Variants in EP400 observed in about 807,000 individuals in gnomAD.
EP400 encodes E1A-binding protein p400.
Under a neutral mutation model 354.1 loss-of-function variants are expected in EP400, and 105 were observed. The observed-to-expected ratio is 0.30, with a 90% CI of 0.25 to 0.35. The LOEUF (loss-of-function observed/expected upper bound fraction) is 0.35. Ranked by LOEUF, EP400 falls within the 10% of genes least tolerant of loss-of-function variation. EP400 has a pLI of 1.00. For missense variants in EP400, 3,280 were observed against 4,121.0 expected (o/e 0.80, Z 5.59); for synonymous variants, 1,646 against 1,716.9 (o/e 0.96, Z 1.02).
Position 131,996,295 on chromosome 12 carries a change from C to CTTTTTTTTTTTT in EP400, c.2827+1344_2827+1355dup, listed in dbSNP as rs575217796. 2.3e-4 allele frequency among the ~76,000 whole-genome samples: 29 copies of CTTTTTTTTTTTT among 128,228 alleles called. No individual in the cohort carries two copies. The South Asian group carries it at 2.3e-3, about 10-fold the overall frequency. The allele number at this position is 128,228 out of a possible 152,430, so 84.1% of individuals were successfully genotyped here. ...AAGCTCCACATCTCAGGAAGGAACT[C>CTTTTTTTTTTTT]TTTTTTTTTTTTTTTTGAGATGGAG... is the stretch of plus-strand genomic sequence containing the variant. On this transcript the variant is annotated intron_variant, in intron 12 of 52. Coordinates refer to ENST00000389561, the MANE Select transcript of EP400 (RefSeq NM_015409.5).
chr12:132,067,249 A>G lies in EP400; in HGVS notation c.8750-113A>G. 1 of 1,453,124 alleles carries G rather than the reference A, an allele frequency of 6.9e-7. No individual in the cohort carries two copies. The highest frequency in any genetic ancestry group is 9.3e-7 in the Non-Finnish European group (1 of 1,076,216). 90.0% of individuals were successfully genotyped at this position (1,453,124 alleles called of 1,614,324 possible). A position where few individuals can be genotyped will look rare whatever the true frequency, so the allele number is the denominator to read the frequency against. On this transcript the variant is annotated intron_variant, in intron 49 of 52. Coordinates refer to ENST00000389561, the MANE Select transcript of EP400 (RefSeq NM_015409.5). This position sits in a 1 kb window ranked among gnomAD's most constrained non-coding sequence, Gnocchi z 5.3. ...TAAGGGATGGCTTACTTGTCTCCAT[A>G]GAGTTTCATAGTTTGTTATTTTCTG... is the stretch of plus-strand genomic sequence containing the variant.
At chr12:131,991,262 C>T (rs1031998005) in intron 9 of EP400, 145 bp from the exon 10 acceptor site, 5 of 743,756 alleles carry the variant, frequency 6.7e-6, no homozygotes, top group Admixed American at 6.3e-5. Context: ...CACTGCCCTG[C>T]GTGATGATGA....
chr12:132,054,276 C>T lies in EP400; in HGVS notation c.7728+679C>T, dbSNP rs550412364. Among the ~76,000 whole-genome samples the T allele has an allele frequency of 1.2e-4, 18 of 152,330 alleles. No homozygotes were observed. The highest frequency in any genetic ancestry group is 2.4e-4 in the Non-Finnish European group (16 of 68,030). ...ATAAAAATATTTTTGTTACATAGAA[C>T]CATTTCCTGCAGTAGTTTTTAGAAA... is the stretch of plus-strand genomic sequence containing the variant. On this transcript the variant is annotated intron_variant, in intron 43 of 52. Transcript: ENST00000389561. This position sits in a 1 kb window ranked among gnomAD's most constrained non-coding sequence, Gnocchi z 4.0.
In EP400 at chr12:131,990,520, G is replaced by C. The variant is rs888665097; in HGVS notation, c.2551-116G>C. 1.3e-6 allele frequency: 1 copy of C among 758,280 alleles called. No individual in the cohort carries two copies. Among genetic ancestry groups the C allele is most frequent in the Non-Finnish European group, 2.2e-6 (1 of 464,466 alleles). 47.0% of individuals were successfully genotyped at this position (758,280 alleles called of 1,614,324 possible). On this transcript the variant is annotated intron_variant, in intron 8 of 52. Transcript: ENST00000389561. The surrounding 1 kb of genome is among the most constrained non-coding windows in gnomAD (Gnocchi z 4.2). The stretch of plus-strand genomic sequence containing the variant: ...ATAAATGAAAAAGCACCAAACTGAC[G>C]AGGCTGGAAAACACTGTTTTCAGAC...
intron 10 of EP400, 90 bp from the exon 11 acceptor site, chr12:131,992,083 C>T (rs1893058825): frequency 6.9e-7 from 1 of 1,458,068 alleles, no homozygotes. Flanking sequence ...CCCGGGGCTC[C>T]CCCAACCTGT....
In EP400 at chr12:132,045,675, C is replaced by T. The variant is rs367601332; in HGVS notation, c.7027-52C>T. ...AGGGAGTCTTTGGCAAGAGGGAAGA[C>T]CTTCTGACTTAGAGTGTATTCACCT... On this transcript the variant is annotated intron_variant, in intron 38 of 52. Coordinates refer to ENST00000389561, the MANE Select transcript of EP400 (RefSeq NM_015409.5). The T allele has an allele frequency of 1.2e-5, 19 of 1,607,276 alleles. No homozygotes were observed. The African/African-American group carries it at 2.5e-4, about 21-fold the overall frequency.
At chr12:132,004,534 C>T (rs1476426849) in intron 12 of EP400, among the ~76,000 whole-genome samples, 1 of 151,766 alleles carries the variant, frequency 6.6e-6, no homozygotes, top group Non-Finnish European at 1.5e-5. Flanking sequence ...TCAGTTATTT[C>T]CTATCAATGG....
At chr12:132,001,626 G>C (rs1027204820) in intron 12 of EP400, among the ~76,000 whole-genome samples, 1 of 152,062 alleles carries the variant, frequency 6.6e-6, no homozygotes, top group South Asian at 2.1e-4. Context: ...TCCCTTTCCC[G>C]GTCCGCTAAG....
In EP400 at chr12:132,043,418, G is replaced by A. The variant is rs778343931; in HGVS notation, c.6322G>A (p.Glu2108Lys). 2 of 1,613,548 alleles carry A rather than the reference G, an allele frequency of 1.2e-6. No homozygotes were observed. Among genetic ancestry groups the A allele is most frequent in the African/African-American group, 2.7e-5 (2 of 75,048 alleles). ...SSDSENMPCD[E>K]EPSQLEELAD... ...AGACTCTGAGAACATGCCGTGTGAT[G>A]AAGAACCATCCCAATTAGAGGAGCT... The change falls in exon 33 of 53, where the codon GAA becomes AAA. Residue 2108 changes from glutamate (E) to lysine (K), a missense_variant. Physicochemically the swap from Glu to Lys is moderately conservative, Grantham distance 56. Transcript: ENST00000389561.
chr12:132,076,553 C>T lies in EP400; in HGVS notation c.9059C>T (p.Pro3020Leu). ...KLPQVVQQQT[P>L]VASIQQVASA... is the part of the protein sequence containing the mutation. ...CCTCAAGTTGTTCAACAGCAAACACCCGTGGCCAGCATCCAGCAAGTTGCC... is the reference window on the plus strand; with the variant it reads ...CCTCAAGTTGTTCAACAGCAAACACTCGTGGCCAGCATCCAGCAAGTTGCC... Residue 3020 changes from proline to leucine, a missense_variant, in exon 52 of 53, where the codon CCC (proline) becomes CTC (leucine). Coordinates refer to ENST00000389561, the MANE Select transcript of EP400 (RefSeq NM_015409.5). The T allele has an allele frequency of 6.2e-7, 1 of 1,613,732 alleles. No homozygotes were observed. The highest frequency in any genetic ancestry group is 8.5e-7 in the Non-Finnish European group (1 of 1,179,686).
At position 132,062,523 on chromosome 12, in the gene EP400, G is replaced by GGCA. The variant is rs68030464; in HGVS notation, c.8175_8177dup (p.Gln2748dup). 0.069 allele frequency: 103,199 copies of GGCA among 1,497,672 alleles called. 6,609 individuals carry two copies. The highest frequency in any genetic ancestry group is 0.42 in the African/African-American group (27,946 of 65,828). 92.8% of individuals were successfully genotyped at this position (1,497,672 alleles called of 1,614,324 possible). On this transcript the variant is annotated inframe_insertion, in exon 47 of 53. Transcript: ENST00000389561. ...ACACCTGCACATTTCCAGCTTCTCA[G>GGCA]GCAGCAGCAGCAGCAGCAGCAACAA... is the stretch of plus-strand genomic sequence containing the variant.
chr12:132,017,014 T>C lies in EP400; in HGVS notation c.3924-521T>C, dbSNP rs1052208864. ...CACACCAGAGAGCTACTCCCCACCATGGTCCCATTTCCTGCCCAGCCCTGG... is the reference window on the plus strand; with the variant it reads ...CACACCAGAGAGCTACTCCCCACCACGGTCCCATTTCCTGCCCAGCCCTGG... On this transcript the variant is annotated intron_variant, in intron 19 of 52. Coordinates refer to ENST00000389561, the MANE Select transcript of EP400 (RefSeq NM_015409.5). The surrounding 1 kb of genome is among the most constrained non-coding windows in gnomAD (Gnocchi z 5.0). Among the ~76,000 whole-genome samples, 2 of 152,196 alleles carry C rather than the reference T, an allele frequency of 1.3e-5. No individual in the cohort carries two copies. The highest frequency in any genetic ancestry group is 2.4e-5 in the African/African-American group (1 of 41,452).
At chr12:131,950,671 C>T (rs984841504) in intron 1 of EP400, among the ~76,000 whole-genome samples, 7 of 152,216 alleles carry the variant, frequency 4.6e-5, no homozygotes, top group Non-Finnish European at 1.0e-4. Flanking sequence ...CCGGGGGCGC[C>T]TCTCGTCACA....
At position 131,990,581 on chromosome 12, in the gene EP400, G is replaced by A. The variant is rs1893000641; in HGVS notation, c.2551-55G>A. ...TGCTTTAGTGTTTTGTATGCAGAAC[G>A]TCTGTAATTCCCATCCTTAGTAATG... On this transcript the variant is annotated intron_variant, in intron 8 of 52. Coordinates refer to ENST00000389561, the MANE Select transcript of EP400 (RefSeq NM_015409.5). The surrounding 1 kb of genome is among the most constrained non-coding windows in gnomAD (Gnocchi z 4.2). The A allele has an allele frequency of 3.0e-6, 4 of 1,318,618 alleles. No homozygotes were observed. Among genetic ancestry groups the A allele is most frequent in the East Asian group, 2.3e-5 (1 of 43,456 alleles). The allele number at this position is 1,318,618 out of a possible 1,614,324, so 81.7% of individuals were successfully genotyped here.
chr12:131,969,043 T>C (rs1286306907), intron 2 of EP400, among the ~76,000 whole-genome samples: 3 of 146,630 alleles, frequency 2.0e-5, no homozygotes, highest in African/African-American at 8.0e-5. Flanking sequence ...TTCTTTACTT[T>C]TCTTTTTTTT....
At chr12:131,967,785 C>T (rs1892154061) in intron 2 of EP400, among the ~76,000 whole-genome samples, 1 of 151,506 alleles carries the variant, frequency 6.6e-6, no homozygotes, top group South Asian at 2.1e-4. Flanking sequence ...TGATAGTTCT[C>T]TTCGTTTTGC....
intron 48 of EP400, 39 bp downstream of exon 48, chr12:132,064,925 C>T: frequency 6.4e-7 from 1 of 1,559,080 alleles, no homozygotes; most frequent in Non-Finnish European, 8.7e-7. Context: ...AAAGCAGCAT[C>T]TTTTTATGTT....
At chr12:131,978,781 GGGATTAA>G (rs1199761426) in intron 2 of EP400, among the ~76,000 whole-genome samples, 1 of 152,072 alleles carries the variant, frequency 6.6e-6, no homozygotes, top group African/African-American at 2.4e-5. Flanking sequence ...CCAAAGTGTT[GGGATTAA>G]GGCATAAGCC....
chr12:131,991,261 G>T (rs1893023828), intron 9 of EP400, 146 bp from the exon 10 acceptor site: 2 of 743,222 alleles, frequency 2.7e-6, no homozygotes, highest in South Asian at 3.2e-5. Context: ...CCACTGCCCT[G>T]CGTGATGATG....
Sources: gnomAD v4.1 joint callset for allele counts (sites outside exome capture counted in the v4.1 genomes callset) on GRCh38, gnomAD v4.1.1 for gene constraint, Gnocchi (gnomAD v3.1) non-coding constraint, MANE v1.5 for transcripts, NCBI Gene and HGNC (gene_info 2026-07-23, HGNC 2026-07-21) for gene names.